Variants in STPG2 observed in about 807,000 individuals in gnomAD.
STPG2 encodes the protein sperm-tail PG-rich repeat-containing protein 2.
Under a neutral mutation model 54.2 loss-of-function variants are expected in STPG2, and 56 were observed. The ratio of observed to expected loss-of-function variants is 1.03; its 90% confidence interval spans 0.83 to 1.29. The LOEUF (loss-of-function observed/expected upper bound fraction) is 1.29, where lower values mean the gene tolerates loss of function less well. Ranked by LOEUF, STPG2 falls within the 50% of genes most tolerant of loss-of-function variation. The pLI, the probability that STPG2 is intolerant of heterozygous loss-of-function variation, is 0.00. For missense variants in STPG2, 596 were observed against 544.9 expected, an observed-to-expected ratio of 1.09 and a Z score of -0.93; for synonymous variants, 200 against 181.8, an observed-to-expected ratio of 1.10 and a Z score of -0.81.
rs190187744 is a variant in STPG2 at position 97,863,304 on chromosome 4, G to A, written c.1045-22372C>T. ...CACAGAAATACAAACTACCATCAGAGAATACTATAAACACCTCTACGCAAA... is the reference window on the plus strand; with the variant it reads ...CACAGAAATACAAACTACCATCAGAAAATACTATAAACACCTCTACGCAAA... On this transcript the variant is annotated intron_variant, in intron 8 of 10. Transcript: ENST00000295268. Among the ~76,000 whole-genome samples, 249 of 152,228 alleles carry A rather than the reference G, an allele frequency of 1.6e-3. 4 individuals are homozygous for A. The highest frequency in any genetic ancestry group is 2.6e-3 in the Non-Finnish European group (180 of 68,018).
chr4:97,876,572 A>T (rs954640420), intron 8 of STPG2, among the ~76,000 whole-genome samples: 1 of 152,038 alleles, frequency 6.6e-6, no homozygotes, highest in African/African-American at 2.4e-5. Flanking sequence ...TGTTTTCTAG[A>T]GTTTAGGGAA....
intron 10 of STPG2, among the ~76,000 whole-genome samples, chr4:97,639,785 A>G (rs1409769589): frequency 6.6e-6 from 1 of 151,990 alleles, no homozygotes; most frequent in Non-Finnish European, 1.5e-5. Context: ...ATCCCTATCA[A>G]TTATTGGTTC....
At chr4:97,994,040 T>C (rs1459939537) in intron 5 of STPG2, among the ~76,000 whole-genome samples, 3 of 152,158 alleles carry the variant, frequency 2.0e-5, no homozygotes, top group African/African-American at 7.2e-5. Context: ...TAACCAGTTT[T>C]TTGTTTCATT....
rs568423646 is a variant in STPG2 at position 97,778,336 on chromosome 4, C to G, written c.1204+62437G>C. Reference sequence around the variant, plus strand: ...CCATGCCCACGGAGCCTCGCTCATTCCTAGCACAGCAGTCTGAGATCGAAT... The same window carrying G: ...CCATGCCCACGGAGCCTCGCTCATTGCTAGCACAGCAGTCTGAGATCGAAT... On this transcript the variant is annotated intron_variant, in intron 9 of 10. Transcript: ENST00000295268. 4.2e-3 allele frequency among the ~76,000 whole-genome samples: 640 copies of G among 152,260 alleles called. 3 individuals are homozygous for G. The highest frequency in any genetic ancestry group is 0.024 in the South Asian group (115 of 4,826).
chr4:98,064,727 T>A (rs1737771989), intron 5 of STPG2, among the ~76,000 whole-genome samples: 2 of 152,194 alleles, frequency 1.3e-5, no homozygotes, highest in South Asian at 4.1e-4. Context: ...TTGTCTACCA[T>A]CATTCAGTAA....
In STPG2 at chr4:97,849,830, C is replaced by A. The variant is rs545079565; in HGVS notation, c.1045-8898G>T. ...ACTTTTACACTGTTGGTGGGACTGT[C>A]AACTAGTTGAACCATTGTGGAAGTC... is the stretch of plus-strand genomic sequence containing the variant. On this transcript the variant is annotated intron_variant, in intron 8 of 10. Coordinates refer to ENST00000295268, the MANE Select transcript of STPG2 (RefSeq NM_174952.3). Among the ~76,000 whole-genome samples the A allele has an allele frequency of 1.4e-3, 216 of 151,964 alleles. 2 individuals are homozygous for A. Among genetic ancestry groups the A allele is most frequent in the Admixed American group, 2.9e-3 (44 of 15,254 alleles).
rs868377543 is a variant in STPG2 at position 98,092,539 on chromosome 4, G to A, written c.612+13414C>T. ...GGAAGAAAGTAAAAATGTTTACATT[G>A]AAATTAATGGAATAATCCACCCATT... On this transcript the variant is annotated intron_variant, in intron 5 of 10. Transcript: ENST00000295268. Among the ~76,000 whole-genome samples the A allele has an allele frequency of 3.3e-5, 5 of 151,958 alleles. No homozygotes were observed. In the South Asian group the frequency reaches 8.3e-4, roughly 25 times the overall value.
At chr4:97,775,717 AGAGACTTTAAAATTGCTAGTGG>A (rs1726354891) in intron 9 of STPG2, among the ~76,000 whole-genome samples, 1 of 152,230 alleles carries the variant, frequency 6.6e-6, no homozygotes, top group South Asian at 2.1e-4. Context: ...TAGCAGAGGA[AGAGACTTTAAAATTGCTAGTGG>A]GAGCAATATG....
chr4:98,140,021 G>A (rs945254098), intron 1 of STPG2, among the ~76,000 whole-genome samples: 10 of 152,132 alleles, frequency 6.6e-5, no homozygotes, highest in African/African-American at 2.2e-4. Flanking sequence ...TTACAATATA[G>A]AATCAAAGTG....
chr4:97,756,942 T>C (rs1333813722), intron 9 of STPG2, among the ~76,000 whole-genome samples: 2 of 152,156 alleles, frequency 1.3e-5, no homozygotes, highest in Non-Finnish European at 2.9e-5. Flanking sequence ...CTCTTTGCTA[T>C]CAGCAAGTTG....
intron 5 of STPG2, among the ~76,000 whole-genome samples, chr4:97,984,669 T>C (rs532801480): frequency 1.3e-5 from 2 of 152,374 alleles, no homozygotes; most frequent in Admixed American, 6.5e-5. Context: ...TTTTTTAATA[T>C]ATGAAACATT....
intron 10 of STPG2, among the ~76,000 whole-genome samples, chr4:97,566,867 C>A (rs939505217): frequency 7.5e-6 from 1 of 132,900 alleles, no homozygotes; most frequent in Non-Finnish European, 1.5e-5. Flanking sequence ...GAACATCACA[C>A]TCTGGGGACT....
intron 5 of STPG2, among the ~76,000 whole-genome samples, chr4:98,054,119 AT>A (rs35207184): frequency 0.39 from 59,888 of 151,822 alleles, 12,057 homozygotes; most frequent in Middle Eastern, 0.46. Context: ...CAGAACATAA[AT>A]TTTTTAAAGA....
intron 9 of STPG2, among the ~76,000 whole-genome samples, chr4:97,739,843 A>C (rs1560509457): frequency 6.6e-6 from 1 of 152,130 alleles, no homozygotes; most frequent in African/African-American, 2.4e-5. Flanking sequence ...AAAAGAGGGA[A>C]TCCTCCCTAA....
rs1054983582 is a variant in STPG2 at position 98,067,639 on chromosome 4, T to C, written c.612+38314A>G. Reference sequence around the variant, plus strand: ...TATGTTTAATGTCTTACTTTATATCTTGAAAGAACTCTCACCCAGATAATG... The same window carrying C: ...TATGTTTAATGTCTTACTTTATATCCTGAAAGAACTCTCACCCAGATAATG... On this transcript the variant is annotated intron_variant, in intron 5 of 10. Transcript: ENST00000295268. Among the ~76,000 whole-genome samples the C allele has an allele frequency of 4.6e-5, 7 of 152,204 alleles. No individual in the cohort carries two copies. In the East Asian group the frequency reaches 1.3e-3, roughly 29 times the overall value.
chr4:97,729,041 C>T (rs1222616986), intron 9 of STPG2, among the ~76,000 whole-genome samples: 1 of 140,558 alleles, frequency 7.1e-6, no homozygotes, highest in East Asian at 2.1e-4. Context: ...TTTCATTCCA[C>T]TGATGACAAG....
At chr4:97,547,883 G>A (rs1383332665) in intron 4 of STPG2, among the ~76,000 whole-genome samples, 2 of 152,114 alleles carry the variant, frequency 1.3e-5, no homozygotes, top group African/African-American at 2.4e-5. Context: ...GGGCATGGTC[G>A]CTCATGCCTG....
intron 4 of STPG2, among the ~76,000 whole-genome samples, chr4:97,540,539 C>A (rs1179415933): frequency 6.6e-6 from 1 of 152,112 alleles, no homozygotes; most frequent in East Asian, 1.9e-4. Context: ...CGAATTCTAC[C>A]AGAGTTACAA....
At chr4:97,537,133 G>A (rs2148857606) in intron 4 of STPG2, among the ~76,000 whole-genome samples, 1 of 152,300 alleles carries the variant, frequency 6.6e-6, no homozygotes, top group South Asian at 2.1e-4. Flanking sequence ...CAGAAGACGG[G>A]TGATTTCTGT....
Sources: gnomAD v4.1 joint callset for allele counts (sites outside exome capture counted in the v4.1 genomes callset) on GRCh38, gnomAD v4.1.1 for gene constraint, MANE v1.5 for transcripts, NCBI Gene and HGNC (gene_info 2026-07-23, HGNC 2026-07-21) for gene names.